The following CCSER1 variants were observed in gnomAD, a reference collection of about 807,000 sequenced individuals.
The protein encoded by CCSER1 is coiled-coil serine rich protein 1.
CCSER1 carries 41 observed loss-of-function variants against 82.0 expected under a neutral mutation model. That is an observed-to-expected ratio of 0.50 (90% confidence interval 0.39 to 0.65). The LOEUF (loss-of-function observed/expected upper bound fraction) is 0.65. Among genes scored for constraint, CCSER1 ranks in the 30% least tolerant of loss-of-function variants. The probability of loss-of-function intolerance (pLI) is 0.00; values close to 1 mark genes in which losing one functional copy is unlikely to be tolerated. For synonymous variants in CCSER1, 414 were observed against 383.9 expected (o/e 1.08, Z -0.92); for missense variants, 1,119 against 1,064.2 (o/e 1.05, Z -0.72).
intron 7 of CCSER1, among the ~76,000 whole-genome samples, chr4:90,772,351 T>C (rs1752304260): frequency 6.6e-6 from 1 of 152,238 alleles, no homozygotes; most frequent in African/African-American, 2.4e-5. Context: ...ATTATAAAAA[T>C]TGAGACCAGT....
intron 5 of CCSER1, among the ~76,000 whole-genome samples, chr4:90,555,333 C>T (rs764448392): frequency 7.2e-5 from 11 of 152,056 alleles, no homozygotes; most frequent in South Asian, 4.2e-4. Context: ...TTTTGGCAAA[C>T]GGTAACTTAC....
chr4:91,468,334 G>A (rs1381041518), intron 10 of CCSER1, among the ~76,000 whole-genome samples: 1 of 151,972 alleles, frequency 6.6e-6, no homozygotes, highest in Non-Finnish European at 1.5e-5. Context: ...ACAGGAACAT[G>A]ACACACCTGG....
chr4:90,744,897 G>A (rs574888890), intron 7 of CCSER1, among the ~76,000 whole-genome samples: 1 of 151,874 alleles, frequency 6.6e-6, no homozygotes, highest in Non-Finnish European at 1.5e-5. Context: ...GTGCCAAAAA[G>A]GTTGGACTAG....
At chr4:90,709,061 G>GA (rs1313762487) in intron 6 of CCSER1, among the ~76,000 whole-genome samples, 1 of 151,994 alleles carries the variant, frequency 6.6e-6, no homozygotes, top group East Asian at 1.9e-4. Flanking sequence ...ACATTATACA[G>GA]AAAAAATGGA....
intron 10 of CCSER1, among the ~76,000 whole-genome samples, chr4:91,257,524 C>T (rs924130911): frequency 2.7e-5 from 4 of 146,424 alleles, no homozygotes; most frequent in Non-Finnish European, 6.0e-5. Context: ...TATCTAGAAA[C>T]ATATCCTAAT....
chr4:91,353,682 T>A (rs946485424), intron 10 of CCSER1, among the ~76,000 whole-genome samples: 1 of 152,208 alleles, frequency 6.6e-6, no homozygotes, highest in African/African-American at 2.4e-5. Flanking sequence ...TGCAATAGAT[T>A]GATAGTGATT....
chr4:90,386,387 A>C (rs562223585), intron 3 of CCSER1, among the ~76,000 whole-genome samples: 1 of 152,272 alleles, frequency 6.6e-6, no homozygotes, highest in South Asian at 2.1e-4. Flanking sequence ...GCAGACCAAA[A>C]CATACTGGGA....
chr4:91,568,222 C>T (rs1355219914), intron 10 of CCSER1, among the ~76,000 whole-genome samples: 1 of 151,972 alleles, frequency 6.6e-6, no homozygotes, highest in African/African-American at 2.4e-5. Context: ...TCGCTGTTAG[C>T]CTGCTGGAAT....
In CCSER1 at chr4:91,446,482, T is replaced by C. The variant is rs527614189; in HGVS notation, c.2218-152090T>C. Among the ~76,000 whole-genome samples, 262 of 151,828 alleles carry C rather than the reference T, an allele frequency of 1.7e-3. 3 individuals are homozygous for C. Among genetic ancestry groups the C allele is most frequent in the African/African-American group, 5.7e-3 (235 of 41,472 alleles). On this transcript the variant is annotated intron_variant, in intron 10 of 10. Transcript: ENST00000509176. ...ATTATGCATATTCATTATGGAAACT[T>C]TCAAAATTCAATAAATTTTAAAACG...
At chr4:91,162,339 T>C (rs1731507190) in intron 10 of CCSER1, among the ~76,000 whole-genome samples, 1 of 152,212 alleles carries the variant, frequency 6.6e-6, no homozygotes, top group Non-Finnish European at 1.5e-5. Flanking sequence ...TTCCAGTATT[T>C]TATTGAGGAT....
At chr4:90,451,638 G>A (rs1761476049) in intron 4 of CCSER1, among the ~76,000 whole-genome samples, 1 of 152,186 alleles carries the variant, frequency 6.6e-6, no homozygotes, top group South Asian at 2.1e-4. Context: ...CCTGAGGACT[G>A]AAGTGTGTAT....
chr4:91,383,855 G>C (rs561669698), intron 10 of CCSER1, among the ~76,000 whole-genome samples: 2 of 152,282 alleles, frequency 1.3e-5, no homozygotes, highest in South Asian at 4.1e-4. Context: ...TAGGTAGCAA[G>C]TAGAGTGTTG....
At chr4:90,242,149 T>TA (rs1324093490) in intron 1 of CCSER1, among the ~76,000 whole-genome samples, 1 of 151,798 alleles carries the variant, frequency 6.6e-6, no homozygotes, top group African/African-American at 2.4e-5. Flanking sequence ...TTACTAAAAA[T>TA]AAAAAAAATT....
chr4:90,560,257 A>C (rs1260104018), intron 5 of CCSER1, among the ~76,000 whole-genome samples: 1 of 151,922 alleles, frequency 6.6e-6, no homozygotes, highest in Non-Finnish European at 1.5e-5. Context: ...CTTTTAGAGA[A>C]TATCCAAATA....
At chr4:90,406,157 G>C (rs1056861935) in intron 4 of CCSER1, among the ~76,000 whole-genome samples, 1 of 152,118 alleles carries the variant, frequency 6.6e-6, no homozygotes, top group South Asian at 2.1e-4. Context: ...TTAAGATAAA[G>C]GGGTGGAAAA....
intron 4 of CCSER1, among the ~76,000 whole-genome samples, chr4:90,401,594 C>T (rs1196650598): frequency 1.3e-5 from 2 of 152,006 alleles, no homozygotes; most frequent in African/African-American, 2.4e-5. Flanking sequence ...AGTCCAGTGG[C>T]GTGATCTCAG....
intron 8 of CCSER1, among the ~76,000 whole-genome samples, chr4:90,911,759 G>A (rs779504717): frequency 1.9e-4 from 29 of 152,256 alleles, no homozygotes; most frequent in Non-Finnish European, 2.2e-4. Flanking sequence ...ACGGCACCTG[G>A]AAAATCGGGT....
intron 6 of CCSER1, among the ~76,000 whole-genome samples, chr4:90,674,094 G>A (rs1332184102): frequency 6.6e-6 from 1 of 151,912 alleles, no homozygotes; most frequent in Non-Finnish European, 1.5e-5. Flanking sequence ...ACTGACAAAA[G>A]GCCTATTTAG....
intron 7 of CCSER1, among the ~76,000 whole-genome samples, chr4:90,774,705 T>A (rs1392131636): frequency 6.6e-6 from 1 of 152,066 alleles, no homozygotes; most frequent in Admixed American, 6.6e-5. Context: ...GAAAGGTACA[T>A]AATATCAACT....
Sources: allele counts gnomAD v4.1 joint callset (sites outside exome capture counted in the v4.1 genomes callset), GRCh38; gene constraint gnomAD v4.1.1; transcripts MANE v1.5; gene names NCBI Gene and HGNC (gene_info 2026-07-23, HGNC 2026-07-21).